Variants in SPMAP2 observed in about 807,000 individuals in gnomAD.
The protein encoded by SPMAP2 is Theg homolog.
At chr19:375,794 G>A in the SPMAP2 span, 4 of 1,609,942 alleles carry the variant, frequency 2.5e-6, no homozygotes, top group African/African-American at 4.0e-5. Flanking sequence ...CCTCTTCTGG[G>A]TCTTCTGGTC....
At chr19:372,696 C>G in the SPMAP2 span, 1 of 1,614,028 alleles carries the variant, frequency 6.2e-7, no homozygotes, top group Non-Finnish European at 8.5e-7. Flanking sequence ...CGCGGCGGGA[C>G]ACCGCTATGC....
At chr19:367,487 A>G in the SPMAP2 span, among the ~76,000 whole-genome samples, 1 of 152,252 alleles carries the variant, frequency 6.6e-6, no homozygotes, top group Non-Finnish European at 1.5e-5. Context: ...CTTTTGACCA[A>G]TGTAATATCA....
At chr19:369,565 C>A in the SPMAP2 span, among the ~76,000 whole-genome samples, 8 of 152,286 alleles carry the variant, frequency 5.3e-5, no homozygotes, top group Middle Eastern at 3.4e-3. Flanking sequence ...TCCCTCTCCC[C>A]ACCCGGAGAA....
the SPMAP2 span, chr19:374,603 C>T: frequency 3.4e-5 from 25 of 732,230 alleles, no homozygotes; most frequent in African/African-American, 2.3e-4. Context: ...CTGGACCAAC[C>T]GCAGCTCCAC....
the SPMAP2 span, chr19:373,509 G>C: frequency 1.7e-4 from 267 of 1,613,394 alleles, 1 homozygote; most frequent in Admixed American, 5.3e-4. Flanking sequence ...TCAAGGAACC[G>C]CTCGGTCCAG....
At chr19:362,081 GTCC>G in the SPMAP2 span, 116 of 633,428 alleles carry the variant, frequency 1.8e-4, 1 homozygote, top group Middle Eastern at 0.013. Context: ...AAATATTATT[GTCC>G]TCCTCATCCT....
At chr19:373,490 G>T in the SPMAP2 span, 1 of 1,613,446 alleles carries the variant, frequency 6.2e-7, no homozygotes, top group Non-Finnish European at 8.5e-7. Context: ...GATGGTGAGG[G>T]TGGTGTCCTC....
chr19:371,360 G>T, the SPMAP2 span: 2 of 979,486 alleles, frequency 2.0e-6, no homozygotes, highest in Non-Finnish European at 1.5e-6. Flanking sequence ...CAGCTCGGCC[G>T]GGGGTGGGGG....
the SPMAP2 span, among the ~76,000 whole-genome samples, chr19:366,882 T>G: frequency 6.6e-6 from 1 of 151,836 alleles, no homozygotes; most frequent in Admixed American, 6.6e-5. Flanking sequence ...TTCTACACCT[T>G]TTTTTCCTGC....
At chr19:367,672 C>G in the SPMAP2 span, among the ~76,000 whole-genome samples, 1 of 152,188 alleles carries the variant, frequency 6.6e-6, no homozygotes, top group Non-Finnish European at 1.5e-5. Context: ...CTAGGTTCAG[C>G]TGAACACGCG....
chr19:363,169 T>C, the SPMAP2 span, among the ~76,000 whole-genome samples: 3 of 152,320 alleles, frequency 2.0e-5, no homozygotes, highest in East Asian at 5.8e-4. Context: ...TAAAAGCCAC[T>C]GAAACATATT....
chr19:373,937 T>C, the SPMAP2 span: 141 of 1,613,012 alleles, frequency 8.7e-5, no homozygotes, highest in Non-Finnish European at 8.5e-6. Flanking sequence ...GCCCTGGACT[T>C]ACCAGCAGAG....
At chr19:367,359 A>G in the SPMAP2 span, 4 of 851,648 alleles carry the variant, frequency 4.7e-6, no homozygotes, top group African/African-American at 3.5e-5. Context: ...TAATGTATTC[A>G]TGAAAGGATT....
the SPMAP2 span, chr19:375,807 A>G: frequency 6.2e-7 from 1 of 1,609,930 alleles, no homozygotes; most frequent in Non-Finnish European, 8.5e-7. Context: ...TTCTGGTCCC[A>G]GCTCTGCATT....
At chr19:374,165 C>G in the SPMAP2 span, 7 of 1,506,302 alleles carry the variant, frequency 4.6e-6, no homozygotes, top group Non-Finnish European at 5.4e-6. Context: ...CCAACCCCAC[C>G]TACCCTAAGT....
chr19:364,060 G>A, the SPMAP2 span, among the ~76,000 whole-genome samples: 28,212 of 151,646 alleles, frequency 0.19, 2,794 homozygotes, highest in Non-Finnish European at 0.22. Context: ...TCGGTTGGGC[G>A]CGGTGGCTCA....
At chr19:374,357 G>T in the SPMAP2 span, 7 of 1,614,094 alleles carry the variant, frequency 4.3e-6, no homozygotes, top group East Asian at 1.6e-4. Flanking sequence ...AGCCTCCTCC[G>T]CCTCCTCCTC....
At chr19:375,812 T>C in the SPMAP2 span, 1 of 1,609,764 alleles carries the variant, frequency 6.2e-7, no homozygotes, top group Non-Finnish European at 8.5e-7. Context: ...GTCCCAGCTC[T>C]GCATTGTCCA....
At chr19:367,118 A>C in the SPMAP2 span, 2 of 1,613,128 alleles carry the variant, frequency 1.2e-6, no homozygotes, top group Admixed American at 3.3e-5. Context: ...GGGTTTTGGC[A>C]CGGGGTCCCA....
Sources: allele counts gnomAD v4.1 joint callset (sites outside exome capture counted in the v4.1 genomes callset), GRCh38; gene constraint gnomAD v4.1.1; transcripts MANE v1.5; gene names NCBI Gene and HGNC (gene_info 2026-07-23, HGNC 2026-07-21).